FAAH2: variants seen among roughly 807,000 people sequenced by gnomAD.
FAAH2 encodes fatty acid amide hydrolase 2.
A neutral mutation model predicts 36.9 loss-of-function variants in FAAH2; 60 were observed. The ratio of observed to expected loss-of-function variants is 1.63; its 90% CI spans 1.32 to 2.02. The LOEUF (loss-of-function observed/expected upper bound fraction) is 2.02, where lower values mean the gene tolerates loss of function less well. FAAH2 is among the 30% of genes most tolerant of loss of function. The pLI, the probability that FAAH2 is intolerant of heterozygous loss-of-function variation, is 0.00. For missense variants in FAAH2, 689 were observed against 397.5 expected (o/e 1.73, Z -6.23); for synonymous variants, 214 against 143.8 (o/e 1.49, Z -3.49).
the FAAH2 span, among the ~76,000 whole-genome samples, chrX:57,141,624 G>A: frequency 1.8e-5 from 2 of 111,228 alleles, no homozygotes; most frequent in African/African-American, 6.5e-5. Flanking sequence ...TTATTGGTCC[G>A]TTCAGGTTTT....
chrX:57,201,819 G>T, the FAAH2 span, among the ~76,000 whole-genome samples: 1 of 111,249 alleles, frequency 9.0e-6, no homozygotes, highest in East Asian at 2.8e-4. Flanking sequence ...CTGTAGGCAT[G>T]CTTCATTGTT....
At chrX:57,199,479 A>G in the FAAH2 span, among the ~76,000 whole-genome samples, 2 of 111,511 alleles carry the variant, frequency 1.8e-5, no homozygotes, top group Non-Finnish European at 3.8e-5. Context: ...GAATGCTTTA[A>G]GACTTGTTTG....
intron 7 of FAAH2, among the ~76,000 whole-genome samples, chrX:57,385,090 T>G (rs1332844432): frequency 9.1e-6 from 1 of 109,404 alleles, no homozygotes; most frequent in Admixed American, 9.8e-5. Context: ...TGAGAATACT[T>G]GGACACAGGA....
At chrX:57,185,486 CTCTGTGTG>C in the FAAH2 span, among the ~76,000 whole-genome samples, 26 of 90,671 alleles carry the variant, frequency 2.9e-4, no homozygotes, top group African/African-American at 1.3e-3. Context: ...CTCTCTCTGT[CTCTGTGTG>C]TGTGTGTGTG....
chrX:57,209,922 G>T, the FAAH2 span, among the ~76,000 whole-genome samples: 3 of 110,306 alleles, frequency 2.7e-5, no homozygotes, highest in African/African-American at 9.9e-5. Flanking sequence ...CCATGGGTGG[G>T]TGTCAGCTGG....
rs199725941 is a variant in FAAH2 at position 57,291,803 on chromosome X, GCACC to G, written c.193-688_193-685del. Among the ~76,000 whole-genome samples, 1,014 of 110,896 alleles carry G rather than the reference GCACC, an allele frequency of 9.1e-3. 40 individuals carry two copies. The highest frequency in any genetic ancestry group is 0.077 in the Admixed American group (793 of 10,350). ...ATAATAATTAAATTATAATCCTGTA[GCACC>G]CACCCAGGATGTTTTACTTGTCTCA... On this transcript the variant is annotated intron_variant, in intron 1 of 10. Coordinates refer to ENST00000374900, the MANE Select transcript of FAAH2 (RefSeq NM_174912.4).
chrX:57,365,881 T>C (rs1009686716), intron 5 of FAAH2, among the ~76,000 whole-genome samples: 1 of 112,305 alleles, frequency 8.9e-6, no homozygotes, highest in Non-Finnish European at 1.9e-5. Flanking sequence ...TTTCCTGCAG[T>C]GAATTTTTCA....
chrX:57,380,588 T>C (rs2054816776), intron 6 of FAAH2, among the ~76,000 whole-genome samples: 1 of 111,556 alleles, frequency 9.0e-6, no homozygotes, highest in South Asian at 3.7e-4. Context: ...CTACTAATGA[T>C]TTCTTACATC....
chrX:57,201,888 A>G, the FAAH2 span, among the ~76,000 whole-genome samples: 1 of 111,413 alleles, frequency 9.0e-6, no homozygotes, highest in Non-Finnish European at 1.9e-5. Flanking sequence ...TAGCTTAGTA[A>G]TATTTTTTTT....
chrX:57,275,431 A>T, the FAAH2 span, among the ~76,000 whole-genome samples: 3 of 112,321 alleles, frequency 2.7e-5, no homozygotes, highest in East Asian at 2.8e-4. Flanking sequence ...GAAGCAAAAA[A>T]CATGGAAAAA....
chrX:57,187,645 G>T, the FAAH2 span, among the ~76,000 whole-genome samples: 2 of 111,241 alleles, frequency 1.8e-5, no homozygotes, highest in African/African-American at 6.5e-5. Context: ...TCTTGTGATG[G>T]TTTTCAAAGG....
At chrX:57,170,488 G>T in the FAAH2 span, among the ~76,000 whole-genome samples, 1 of 111,171 alleles carries the variant, frequency 9.0e-6, no homozygotes, top group East Asian at 2.8e-4. Context: ...TTGGTTACAT[G>T]AATTACTTGT....
chrX:57,436,513 C>T (rs1261898274), intron 8 of FAAH2, among the ~76,000 whole-genome samples: 1 of 108,350 alleles, frequency 9.2e-6, no homozygotes, highest in Non-Finnish European at 1.9e-5. Context: ...GAGATTACAA[C>T]AAAATCAGAA....
At chrX:57,284,128 T>G (rs773712052), upstream of FAAH2, among the ~76,000 whole-genome samples, 2 of 112,162 alleles carry the variant, frequency 1.8e-5, no homozygotes, top group African/African-American at 6.5e-5. Context: ...AGTGTGGAGC[T>G]GCTTCCAGCC....
the FAAH2 span, among the ~76,000 whole-genome samples, chrX:57,250,764 T>A: frequency 9.8e-6 from 1 of 102,535 alleles, no homozygotes; most frequent in African/African-American, 3.5e-5. Context: ...CTAGAAGAAA[T>A]AAAAAAAAAA....
intron 7 of FAAH2, among the ~76,000 whole-genome samples, chrX:57,431,341 C>T (rs780979130): frequency 2.7e-5 from 3 of 111,657 alleles, no homozygotes; most frequent in African/African-American, 9.7e-5. Flanking sequence ...TATTTTATTT[C>T]GCTGCATGTA....
chrX:57,199,888 C>G, the FAAH2 span, among the ~76,000 whole-genome samples: 2 of 111,792 alleles, frequency 1.8e-5, no homozygotes, highest in African/African-American at 6.5e-5. Flanking sequence ...TTTATTTTTT[C>G]TGATATAAAT....
intron 5 of FAAH2, among the ~76,000 whole-genome samples, chrX:57,376,077 T>A (rs1459899419): frequency 9.0e-6 from 1 of 111,496 alleles, no homozygotes; most frequent in African/African-American, 3.3e-5. Context: ...TTCTGTTTCA[T>A]TATCTTAATC....
In FAAH2 at chrX:57,312,548, C is replaced by T. The variant is rs188027593; in HGVS notation, c.412+1819C>T. Among the ~76,000 whole-genome samples, 502 of 110,211 alleles carry T rather than the reference C, an allele frequency of 4.6e-3. 1 individual carries two copies. Among genetic ancestry groups the T allele is most frequent in the African/African-American group, 0.015 (442 of 30,311 alleles). On this transcript the variant is annotated intron_variant, in intron 3 of 10. Coordinates refer to ENST00000374900, the MANE Select transcript of FAAH2 (RefSeq NM_174912.4). ...AAAAAAAATTAGCTGGGCATGGTGG[C>T]GGGCATCTGTAGTCCCAGCTACTTG...
Sources: gnomAD v4.1 joint callset for allele counts (sites outside exome capture counted in the v4.1 genomes callset) on GRCh38, gnomAD v4.1.1 for gene constraint, MANE v1.5 for transcripts, NCBI Gene and HGNC (gene_info 2026-07-23, HGNC 2026-07-21) for gene names.